MPDZ: variants seen among roughly 807,000 people sequenced by gnomAD.
MPDZ encodes multiple PDZ domain crumbs cell polarity complex component.
Under a neutral mutation model 239.1 loss-of-function variants are expected in MPDZ, and 234 were observed. That is an observed-to-expected ratio of 0.98 (90% CI 0.88 to 1.09). The LOEUF (loss-of-function observed/expected upper bound fraction) is 1.09, where lower values mean the gene tolerates loss of function less well. MPDZ is among the 50% of genes least tolerant of loss of function. The pLI, the probability that MPDZ is intolerant of heterozygous loss-of-function variation, is 0.00. For synonymous variants in MPDZ, 1,048 were observed against 881.3 expected (o/e 1.19, Z -3.35); for missense variants, 3,175 against 2,510.0 (o/e 1.26, Z -5.66).
chr9:13,241,840 T>C (rs1255981580), intron 3 of MPDZ, among the ~76,000 whole-genome samples: 10 of 152,192 alleles, frequency 6.6e-5, no homozygotes, highest in Non-Finnish European at 1.3e-4. Context: ...CAAATCTGTA[T>C]CTACAGAATA....
intron 43 of MPDZ, among the ~76,000 whole-genome samples, chr9:13,111,082 A>C (rs1942382681): frequency 6.6e-6 from 1 of 152,132 alleles, no homozygotes. Context: ...TCTGGACATT[A>C]CTATTATAAT....
At chr9:13,179,673 CA>C (rs1376476302) in intron 19 of MPDZ, among the ~76,000 whole-genome samples, 3 of 152,058 alleles carry the variant, frequency 2.0e-5, no homozygotes, top group Non-Finnish European at 4.4e-5. Flanking sequence ...TGAAGTCTTT[CA>C]AAAGTCTATA....
chr9:13,262,755 C>T (rs1455492420), intron 1 of MPDZ, among the ~76,000 whole-genome samples: 1 of 151,972 alleles, frequency 6.6e-6, no homozygotes, highest in African/African-American at 2.4e-5. Context: ...TCACAATAAA[C>T]ACAAGTGGGT....
intron 1 of MPDZ, among the ~76,000 whole-genome samples, chr9:13,267,245 C>G (rs1971986438): frequency 6.6e-6 from 1 of 152,298 alleles, no homozygotes; most frequent in African/African-American, 2.4e-5. Context: ...AAATTGGCGT[C>G]AGTTTTACTG....
chr9:13,159,825 T>C (rs1950253843), intron 23 of MPDZ, among the ~76,000 whole-genome samples: 2 of 152,126 alleles, frequency 1.3e-5, no homozygotes. Flanking sequence ...TGCTCCTCTA[T>C]AGGTGCTGAT....
chr9:13,216,297 GT>G (rs760415670), intron 10 of MPDZ, among the ~76,000 whole-genome samples: 108 of 141,080 alleles, frequency 7.7e-4, no homozygotes, highest in Admixed American at 3.4e-3. Context: ...AAGAAGCTAG[GT>G]TTTTTTTTTT....
At chr9:13,216,421 T>C (rs1451093244) in intron 10 of MPDZ, among the ~76,000 whole-genome samples, 2 of 151,466 alleles carry the variant, frequency 1.3e-5, no homozygotes, top group African/African-American at 4.8e-5. Flanking sequence ...CTAATTCATA[T>C]TCCAATACCC....
rs1208089475 is a variant in MPDZ at position 13,236,816 on chromosome 9, A to T, written c.183+10819T>A. 4.0e-5 allele frequency among the ~76,000 whole-genome samples: 6 copies of T among 151,876 alleles called. No individual in the cohort carries two copies. In the East Asian group the frequency reaches 1.2e-3, roughly 30 times the overall value. On this transcript the variant is annotated intron_variant, in intron 3 of 46. Transcript: ENST00000319217. ...AAATTGTTTACCTTCTTTTTTAAAA[A>T]CTTCGCTCCTACAATGAAGTAGAAC...
At chr9:13,220,250 G>A (rs1474244898) in intron 7 of MPDZ, among the ~76,000 whole-genome samples, 1 of 151,952 alleles carries the variant, frequency 6.6e-6, no homozygotes, top group Non-Finnish European at 1.5e-5. Flanking sequence ...ATGTGCAGGT[G>A]AAATACTTGT....
intron 22 of MPDZ, among the ~76,000 whole-genome samples, chr9:13,164,627 T>C (rs1232051713): frequency 2.0e-5 from 3 of 152,182 alleles, no homozygotes; most frequent in African/African-American, 7.2e-5. Context: ...TCCCAAACAA[T>C]GTTAAAAATG....
intron 12 of MPDZ, among the ~76,000 whole-genome samples, chr9:13,201,282 C>T (rs1048205349): frequency 4.6e-5 from 7 of 151,856 alleles, no homozygotes; most frequent in African/African-American, 9.7e-5. Flanking sequence ...TCCATTACTT[C>T]GCTAGAAAGC....
intron 9 of MPDZ, 82 bp from the exon 10 acceptor site, chr9:13,216,944 C>A: frequency 9.3e-7 from 1 of 1,078,942 alleles, no homozygotes; most frequent in Non-Finnish European, 1.4e-6. Context: ...AACTATAAAG[C>A]TCTAATTCAG....
intron 24 of MPDZ, among the ~76,000 whole-genome samples, chr9:13,151,293 C>T (rs1381008752): frequency 2.0e-5 from 3 of 152,064 alleles, no homozygotes; most frequent in Non-Finnish European, 4.4e-5. Flanking sequence ...TATGATTCAG[C>T]AATTCCACTT....
intron 1 of MPDZ, among the ~76,000 whole-genome samples, chr9:13,254,307 C>T (rs1037674844): frequency 1.6e-4 from 24 of 152,222 alleles, no homozygotes; most frequent in Admixed American, 1.5e-3. Context: ...ATGTTAATGT[C>T]CATACATCTT....
intron 3 of MPDZ, among the ~76,000 whole-genome samples, chr9:13,225,343 T>C (rs921901896): frequency 1.3e-5 from 2 of 152,044 alleles, no homozygotes; most frequent in Non-Finnish European, 2.9e-5. Flanking sequence ...AAGAGTTTTT[T>C]ACCTGTCCTT....
intron 42 of MPDZ, 102 bp from the exon 43 acceptor site, chr9:13,112,248 G>A: frequency 8.5e-7 from 1 of 1,181,254 alleles, no homozygotes. Flanking sequence ...GATTTTCTAA[G>A]TGTGAGGGGG....
chr9:13,275,866 C>T (rs1325811203), intron 1 of MPDZ, among the ~76,000 whole-genome samples: 2 of 152,092 alleles, frequency 1.3e-5, no homozygotes, highest in Non-Finnish European at 2.9e-5. Context: ...CACTCACATC[C>T]CAGCCTCTTC....
At chr9:13,229,518 A>AC (rs1238485911) in intron 3 of MPDZ, among the ~76,000 whole-genome samples, 1 of 146,242 alleles carries the variant, frequency 6.8e-6, no homozygotes, top group East Asian at 2.0e-4. Context: ...AGATGATTTA[A>AC]AAAAAAAAAA....
At chr9:13,140,708 A>G (rs1004361617) in intron 27 of MPDZ, 1 of 152,086 alleles carries the variant, frequency 6.6e-6, no homozygotes, top group Non-Finnish European at 1.5e-5. Context: ...TTCAAAAGTT[A>G]TAACTTTTGG....
Sources: gnomAD v4.1 joint callset for allele counts (sites outside exome capture counted in the v4.1 genomes callset) on GRCh38, gnomAD v4.1.1 for gene constraint, MANE v1.5 for transcripts, NCBI Gene and HGNC (gene_info 2026-07-23, HGNC 2026-07-21) for gene names.